The following BBOX1 variants were observed in gnomAD, a reference collection of about 807,000 sequenced individuals.
BBOX1 encodes the protein gamma-butyrobetaine hydroxylase 1, also known as gamma-butyrobetaine dioxygenase.
A neutral mutation model predicts 41.6 loss-of-function variants in BBOX1; 35 were observed. The ratio of observed to expected loss-of-function variants is 0.84; its 90% confidence interval spans 0.64 to 1.11. The LOEUF is 1.11. Among genes scored for constraint, BBOX1 ranks in the 50% most tolerant of loss-of-function variants. The pLI is 0.00. For synonymous variants in BBOX1, 163 were observed against 154.7 expected (o/e 1.05, Z -0.40); for missense variants, 458 against 460.6 (o/e 0.99, Z 0.05).
chr11:27,117,489 C>T (rs1211858339), intron 6 of BBOX1, among the ~76,000 whole-genome samples: 1 of 151,902 alleles, frequency 6.6e-6, no homozygotes, highest in African/African-American at 2.4e-5. Flanking sequence ...TGATTTTATT[C>T]TAAATGTGGC....
chr11:27,083,634 G>A (rs1428146111), intron 4 of BBOX1, among the ~76,000 whole-genome samples: 1 of 152,040 alleles, frequency 6.6e-6, no homozygotes, highest in East Asian at 1.9e-4. Flanking sequence ...CCAATCCCAA[G>A]ATTCATTTAT....
At chr11:27,066,398 G>A (rs1020686320) in intron 4 of BBOX1, 6 of 152,104 alleles carry the variant, frequency 3.9e-5, no homozygotes, top group African/African-American at 1.2e-4. Flanking sequence ...GTACACATAA[G>A]GGATAAATTT....
rs565504179 is a variant in BBOX1, at chr11:27,084,971, T to A, written c.335-8197T>A. 3.9e-5 allele frequency among the ~76,000 whole-genome samples: 6 copies of A among 152,304 alleles called. No homozygotes were observed. The South Asian group carries it at 1.2e-3, about 32-fold the overall frequency. On this transcript the variant is annotated intron_variant, in intron 4 of 8. Transcript: ENST00000263182. The stretch of plus-strand genomic sequence containing the variant: ...ATTCCATCATTTTTCGTAATGTTTA[T>A]GTACCCAGACCCAAGTGTGAAACTT...
rs760289093 is a variant in BBOX1, at chr11:27,127,323, TA to T, written c.1035del (p.Leu345PhefsTer18). 1 of 1,614,092 alleles carries T rather than the reference TA, an allele frequency of 6.2e-7. No individual in the cohort carries two copies. Among genetic ancestry groups the T allele is most frequent in the South Asian group, 1.1e-5 (1 of 91,056 alleles). On this transcript the variant is annotated frameshift_variant, in exon 9 of 9. Transcript: ENST00000263182. LOFTEE classifies it high-confidence loss of function. Reference sequence around the variant, plus strand: ...GTGATTACTTTTGATAACTGGCGCTTACTTCATGGCCGACGTAGCTATGAAG... The same window carrying T: ...GTGATTACTTTTGATAACTGGCGCTTCTTCATGGCCGACGTAGCTATGAAG... ...GDVITFDNWR[L>X]LHGRRSYEAG... is the part of the protein sequence containing the mutation.
Position 27,052,562 on chromosome 11 carries a change from G to T in BBOX1, c.-38-2831G>T, listed in dbSNP as rs114261516. 7.4e-3 allele frequency among the ~76,000 whole-genome samples: 1,123 copies of T among 152,078 alleles called. 12 individuals carry two copies. The highest frequency in any genetic ancestry group is 0.024 in the African/African-American group (1,011 of 41,508). ...TTTCCCCTCATAGCCTTTTGTTCCA[G>T]CCAAACAACATGTTTTCTACTGCTC... On this transcript the variant is annotated intron_variant, in intron 2 of 8. Transcript: ENST00000263182.
At chr11:27,109,593 G>C (rs139079147) in intron 5 of BBOX1, among the ~76,000 whole-genome samples, 1 of 152,032 alleles carries the variant, frequency 6.6e-6, no homozygotes, top group African/African-American at 2.4e-5. Flanking sequence ...GCAGGAAAGT[G>C]TGTAGTGCTA....
intron 5 of BBOX1, among the ~76,000 whole-genome samples, chr11:27,109,743 C>T (rs1858990349): frequency 6.6e-6 from 1 of 151,918 alleles, no homozygotes; most frequent in Non-Finnish European, 1.5e-5. Flanking sequence ...GAGCTTCTGA[C>T]AGAGAAATGG....
chr11:27,122,764 A>T (rs1859512722), intron 7 of BBOX1, among the ~76,000 whole-genome samples: 1 of 151,972 alleles, frequency 6.6e-6, no homozygotes, highest in Admixed American at 6.6e-5. Context: ...ACTGTGGAAG[A>T]TCATTTTAAA....
intron 5 of BBOX1, among the ~76,000 whole-genome samples, chr11:27,098,113 T>G (rs1858509067): frequency 1.3e-5 from 2 of 152,042 alleles, no homozygotes; most frequent in African/African-American, 2.4e-5. Context: ...TTATTCTGAC[T>G]ACAGACAACC....
At position 27,057,136 on chromosome 11, in the gene BBOX1, A is replaced by G. The variant is rs1034660921; in HGVS notation, c.220-65A>G. 4.8e-6 allele frequency: 5 copies of G among 1,032,602 alleles called. No homozygotes were observed. The African/African-American group carries it at 6.7e-5, about 14-fold the overall frequency. 64.0% of individuals were successfully genotyped at this position (1,032,602 alleles called of 1,614,324 possible). On this transcript the variant is annotated intron_variant, in intron 3 of 8. Coordinates refer to ENST00000263182, the MANE Select transcript of BBOX1 (RefSeq NM_003986.3). ...TGATTATCTTAAACAGCATTCAAAA[A>G]CAGAGCAATAGTGGAGAACGGAAAT...
chr11:27,055,618 G>T lies in BBOX1; in HGVS notation c.188G>T (p.Gly63Val). Residue 63 changes from glycine (G) to valine (V), a missense_variant, in exon 3 of 9, where the codon GGA becomes GTA. By Grantham distance (109) the Gly-to-Val change is moderately radical. Transcript: ENST00000263182. Reference protein sequence around the residue: ...LLVEALDVNIGIKGLIFDRKK... With the variant: ...LLVEALDVNIVIKGLIFDRKK... ...GTGGAAGCTCTTGATGTGAACATTGGAATTAAAGGCTTGATATTTGACAGA... is the reference window on the plus strand; with the variant it reads ...GTGGAAGCTCTTGATGTGAACATTGTAATTAAAGGCTTGATATTTGACAGA... The T allele has an allele frequency of 1.9e-6, 3 of 1,613,916 alleles. No homozygotes were observed. Among genetic ancestry groups the T allele is most frequent in the Non-Finnish European group, 2.5e-6 (3 of 1,179,886 alleles).
chr11:27,116,434 G>T (rs1242505821), intron 6 of BBOX1, among the ~76,000 whole-genome samples: 1 of 150,118 alleles, frequency 6.7e-6, no homozygotes, highest in Non-Finnish European at 1.5e-5. Context: ...TAACAAACCT[G>T]CACATTCTGC....
chr11:27,074,689 A>G, intron 4 of BBOX1, among the ~76,000 whole-genome samples: 1 of 152,370 alleles, frequency 6.6e-6, no homozygotes, highest in East Asian at 1.9e-4. Flanking sequence ...TGTTTATAAA[A>G]GTCTATACTC....
At chr11:27,081,260 C>A (rs1229457719) in intron 4 of BBOX1, among the ~76,000 whole-genome samples, 1 of 152,098 alleles carries the variant, frequency 6.6e-6, no homozygotes, top group South Asian at 2.1e-4. Context: ...CATGTTCTGG[C>A]AGGCTGAAAA....
At chr11:27,109,744 A>G (rs1318209807) in intron 5 of BBOX1, among the ~76,000 whole-genome samples, 1 of 152,014 alleles carries the variant, frequency 6.6e-6, no homozygotes, top group Non-Finnish European at 1.5e-5. Flanking sequence ...AGCTTCTGAC[A>G]GAGAAATGGC....
chr11:27,099,317 T>C (rs1360621606), intron 5 of BBOX1, among the ~76,000 whole-genome samples: 1 of 151,912 alleles, frequency 6.6e-6, no homozygotes, highest in African/African-American at 2.4e-5. Context: ...TTAATACATG[T>C]AATGAGGGTT....
intron 5 of BBOX1, among the ~76,000 whole-genome samples, chr11:27,108,847 G>A (rs114660618): frequency 4.6e-5 from 7 of 152,154 alleles, no homozygotes; most frequent in African/African-American, 1.4e-4. Flanking sequence ...ATCCCCACAT[G>A]TGAGAAGAGA....
intron 4 of BBOX1, among the ~76,000 whole-genome samples, chr11:27,078,832 G>C (rs572375917): frequency 2.0e-5 from 3 of 152,124 alleles, no homozygotes; most frequent in South Asian, 2.1e-4. Context: ...CTGTGAACTT[G>C]ACTTAGTTTC....
chr11:27,117,543 G>C (rs1293745442), intron 6 of BBOX1, among the ~76,000 whole-genome samples: 1 of 151,908 alleles, frequency 6.6e-6, no homozygotes, highest in Non-Finnish European at 1.5e-5. Context: ...AAATTAATCA[G>C]CTCAGCTCTT....
Sources: allele counts gnomAD v4.1 joint callset (sites outside exome capture counted in the v4.1 genomes callset), GRCh38; gene constraint gnomAD v4.1.1; transcripts MANE v1.5; gene names NCBI Gene and HGNC (gene_info 2026-07-23, HGNC 2026-07-21).